CCDC146: variants seen among roughly 807,000 people sequenced by gnomAD.
CCDC146 encodes the protein coiled-coil domain-containing protein 146.
Under a neutral mutation model 119.3 loss-of-function variants are expected in CCDC146, and 92 were observed. The ratio of observed to expected loss-of-function variants is 0.77; its 90% CI spans 0.65 to 0.92. The LOEUF (loss-of-function observed/expected upper bound fraction) is 0.92. CCDC146 is among the 40% of genes least tolerant of loss of function. CCDC146 has a pLI of 0.00. For missense variants in CCDC146, 1,000 were observed against 1,103.0 expected (o/e 0.91, Z 1.32); for synonymous variants, 372 against 371.8 (o/e 1.00, Z -0.01).
intron 2 of CCDC146, among the ~76,000 whole-genome samples, chr7:77,210,907 C>T (rs1286182668): frequency 6.6e-6 from 1 of 152,136 alleles, no homozygotes; most frequent in Non-Finnish European, 1.5e-5. Flanking sequence ...ATCATGAGAA[C>T]AGCAAGGGGG....
Position 77,259,191 on chromosome 7 carries a change from G to A in CCDC146, c.758+123G>A, listed in dbSNP as rs1016847768. The A allele has an allele frequency of 6.9e-5, 41 of 598,076 alleles. No homozygotes were observed. In the Middle Eastern group the frequency reaches 1.0e-3, roughly 15 times the overall value. 37.0% of individuals were successfully genotyped at this position (598,076 alleles called of 1,614,324 possible). ...GATAATTTTAGAAATTTCTGCTTTGGGCCCTGTCTAGGTTGTTTATATCAA... is the reference window on the plus strand; with the variant it reads ...GATAATTTTAGAAATTTCTGCTTTGAGCCCTGTCTAGGTTGTTTATATCAA... On this transcript the variant is annotated intron_variant, in intron 7 of 18. Coordinates refer to ENST00000285871, the MANE Select transcript of CCDC146 (RefSeq NM_020879.3).
intron 2 of CCDC146, chr7:77,198,771 C>T (rs925355482): frequency 9.8e-6 from 2 of 203,076 alleles, no homozygotes; most frequent in South Asian, 1.5e-4. Flanking sequence ...CCATGAGAAG[C>T]GGCAGTCAGT....
intron 1 of CCDC146, among the ~76,000 whole-genome samples, chr7:77,134,561 G>C (rs201692505): frequency 1.6e-3 from 137 of 87,448 alleles, no homozygotes; most frequent in African/African-American, 5.0e-3. Context: ...GTGTGTGTGT[G>C]TCTGTGTGTG....
intron 1 of CCDC146, among the ~76,000 whole-genome samples, chr7:77,124,412 A>G (rs529264822): frequency 2.0e-5 from 3 of 152,352 alleles, no homozygotes; most frequent in Admixed American, 6.5e-5. Context: ...ATATGACATT[A>G]TAATTGTCAA....
Position 77,286,866 on chromosome 7 carries a change from A to C in CCDC146, c.2217A>C (p.Arg739Ser), listed in dbSNP as rs1333840609. The C allele has an allele frequency of 4.3e-6, 7 of 1,614,000 alleles. No individual in the cohort carries two copies. The highest frequency in any genetic ancestry group is 5.9e-6 in the Non-Finnish European group (7 of 1,179,950). ...KQFVKPDGEN[R>S]ARFLPGKDLT... The stretch of plus-strand genomic sequence containing the variant: ...TCGTAAAGCCTGATGGTGAGAATAG[A>C]GCTCGCTTCCTTCCAGGGAAAGATC... Residue 739 changes from arginine to serine, a missense_variant, in exon 16 of 19, where the codon AGA becomes AGC. Arg to Ser is a moderately radical substitution (Grantham distance 110). Around this residue, in one of 2 missense-constraint regions of CCDC146, gnomAD observed 985 missense variants for 1,045.3 expected, o/e 0.94. Transcript: ENST00000285871.
intron 1 of CCDC146, among the ~76,000 whole-genome samples, chr7:77,137,868 T>C (rs2537501): frequency 0.17 from 23,454 of 139,792 alleles, 2,379 homozygotes; most frequent in Non-Finnish European, 0.18. Flanking sequence ...CAAATATATG[T>C]AGGTTCTGTT....
intron 2 of CCDC146, among the ~76,000 whole-genome samples, chr7:77,232,266 G>A (rs1792645439): frequency 6.6e-6 from 1 of 152,084 alleles, no homozygotes; most frequent in Non-Finnish European, 1.5e-5. Flanking sequence ...TTTGGAGTTC[G>A]AGGAGTTTAT....
intron 3 of CCDC146, among the ~76,000 whole-genome samples, chr7:77,238,076 G>A (rs1792772519): frequency 6.6e-6 from 1 of 152,120 alleles, no homozygotes; most frequent in Non-Finnish European, 1.5e-5. Flanking sequence ...GAACAACTTG[G>A]AAAAGAGCAG....
chr7:77,149,606 A>C (rs3114344), intron 1 of CCDC146, among the ~76,000 whole-genome samples: 22,522 of 151,868 alleles, frequency 0.15, 2,424 homozygotes, highest in Non-Finnish European at 0.21. Context: ...TCTCTACTAA[A>C]AATACAAAAA....
rs1476675571 is a variant in CCDC146, at chr7:77,261,067, A to G, written c.986+831A>G. Among the ~76,000 whole-genome samples, 5 of 152,216 alleles carry G rather than the reference A, an allele frequency of 3.3e-5. No homozygotes were observed. In the East Asian group the frequency reaches 9.6e-4, roughly 29 times the overall value. On this transcript the variant is annotated intron_variant, in intron 8 of 18. Transcript: ENST00000285871. ...CACAAACCTAGTTGCCTTTGGCATT[A>G]TTTACAATTTATGATTCCAACATGA...
At chr7:77,209,231 G>A (rs897976194) in intron 2 of CCDC146, among the ~76,000 whole-genome samples, 17 of 152,312 alleles carry the variant, frequency 1.1e-4, no homozygotes, top group Admixed American at 3.9e-4. Flanking sequence ...GGGAGCACAG[G>A]CGTTGAGTAA....
intron 1 of CCDC146, among the ~76,000 whole-genome samples, chr7:77,146,985 G>C (rs1584023901): frequency 6.6e-6 from 1 of 152,206 alleles, no homozygotes; most frequent in Admixed American, 6.5e-5. Flanking sequence ...AGTTCTCCTG[G>C]AAAATATCCT....
At chr7:77,246,630 A>C (rs1051118029) in intron 4 of CCDC146, 2 of 152,242 alleles carry the variant, frequency 1.3e-5, no homozygotes, top group African/African-American at 4.8e-5. Context: ...AAAAAGATAT[A>C]ATGCATAAAG....
At position 77,199,277 on chromosome 7, in the gene CCDC146, C is replaced by A; in HGVS notation, c.156+31453C>A. On this transcript the variant is annotated intron_variant, in intron 2 of 18. Transcript: ENST00000285871. ...GTTAGATTTGCCACTTTGCTGTCAA[C>A]ATAATTTTCTATGTTGTTCATATTT... The A allele has an allele frequency of 6.2e-7, 1 of 1,614,112 alleles. No homozygotes were observed. The highest frequency in any genetic ancestry group is 1.1e-5 in the South Asian group (1 of 91,080).
intron 1 of CCDC146, among the ~76,000 whole-genome samples, chr7:77,152,747 C>A (rs1584027932): frequency 6.6e-6 from 1 of 152,090 alleles, no homozygotes; most frequent in Non-Finnish European, 1.5e-5. Context: ...TCTTTTCCAG[C>A]CTATAGATAA....
At chr7:77,229,270 T>A (rs1335011364) in intron 2 of CCDC146, among the ~76,000 whole-genome samples, 2 of 152,136 alleles carry the variant, frequency 1.3e-5, no homozygotes, top group Non-Finnish European at 2.9e-5. Flanking sequence ...ATCCTGTAGG[T>A]CATTTAATCT....
At chr7:77,230,301 C>T (rs763882444) in intron 2 of CCDC146, among the ~76,000 whole-genome samples, 32 of 152,192 alleles carry the variant, frequency 2.1e-4, no homozygotes, top group Non-Finnish European at 2.5e-4. Context: ...TAATTGAGTA[C>T]ACTCTTTGCT....
chr7:77,273,672 GT>G lies in CCDC146; in HGVS notation c.1174-17del, dbSNP rs778088319. Reference sequence around the variant, plus strand: ...AGATTTATTTCTTACATAAATGCATGTTTTTAAATTTTGATTTCCAGATGGA... The same window carrying G: ...AGATTTATTTCTTACATAAATGCATGTTTTAAATTTTGATTTCCAGATGGA... On this transcript the variant is annotated intron_variant, in intron 9 of 18. Transcript: ENST00000285871. 3.8e-6 allele frequency: 6 copies of G among 1,563,742 alleles called. No individual in the cohort carries two copies. In the African/African-American group the frequency reaches 6.8e-5, roughly 18 times the overall value.
chr7:77,199,551 T>C, intron 2 of CCDC146: 1 of 1,614,162 alleles, frequency 6.2e-7, no homozygotes, highest in Non-Finnish European at 8.5e-7. Flanking sequence ...GGTTTTGGAC[T>C]TCTTTGAACA....
Sources: gnomAD v4.1 joint callset for allele counts (sites outside exome capture counted in the v4.1 genomes callset) on GRCh38, gnomAD v4.1.1 for gene constraint, gnomAD v4.1.1 regional missense constraint, MANE v1.5 for transcripts, NCBI Gene and HGNC (gene_info 2026-07-23, HGNC 2026-07-21) for gene names.